PLCH2: variants seen among roughly 807,000 people sequenced by gnomAD.
PLCH2 encodes the protein phospholipase C eta 2.
A neutral mutation model predicts 134.7 loss-of-function variants in PLCH2; 98 were observed. The ratio of observed to expected loss-of-function variants is 0.73; its 90% CI spans 0.62 to 0.86. The LOEUF (loss-of-function observed/expected upper bound fraction) is 0.86, where lower values mean the gene tolerates loss of function less well. PLCH2 is among the 40% of genes least tolerant of loss of function. The pLI, the probability that PLCH2 is intolerant of heterozygous loss-of-function variation, is 0.00. For missense variants in PLCH2, 1,994 were observed against 1,986.6 expected (o/e 1.00, Z -0.07); for synonymous variants, 974 against 827.5 (o/e 1.18, Z -3.04).
chr1:2,424,830 A>AC (rs1323513461), upstream of PLCH2, among the ~76,000 whole-genome samples: 40 of 152,138 alleles, frequency 2.6e-4, no homozygotes, highest in East Asian at 2.7e-3. Context: ...TACTAAAAAT[A>AC]AAAAAATTAG....
At chr1:2,429,673 T>C (rs952331428) in intron 1 of PLCH2, among the ~76,000 whole-genome samples, 5 of 152,154 alleles carry the variant, frequency 3.3e-5, no homozygotes, top group African/African-American at 9.7e-5. Flanking sequence ...GGGGCCTTGA[T>C]TCACTGCATG....
At chr1:2,481,538 G>GGGA (rs1425822020) in intron 4 of PLCH2, among the ~76,000 whole-genome samples, 1 of 152,258 alleles carries the variant, frequency 6.6e-6, no homozygotes, top group Non-Finnish European at 1.5e-5. Context: ...GCCTCTGAGT[G>GGGA]GGAGGAGACA....
At chr1:2,432,640 G>C (rs956116621) in intron 2 of PLCH2, among the ~76,000 whole-genome samples, 6 of 152,180 alleles carry the variant, frequency 3.9e-5, no homozygotes. Context: ...TGCTGGGCAT[G>C]ATGAGGGTCT....
At chr1:2,462,879 C>T (rs116491828), upstream of PLCH2, among the ~76,000 whole-genome samples, 2,392 of 152,314 alleles carry the variant, frequency 0.016, 60 homozygotes, top group African/African-American at 0.054. Flanking sequence ...GGGGGTGGAT[C>T]TGGCCCTTCG....
In PLCH2 at chr1:2,503,951, C is replaced by A; in HGVS notation, c.2989C>A (p.Leu997Ile). ...DTRPLSTQRP[L>I]PPLCSLETIA... ...CCGCCCCCTCTCCACGCAGCGGCCA[C>A]TCCCCCCACTGTGCAGCCTGGAAAC... Residue 997 changes from leucine to isoleucine, a missense_variant, in exon 22 of 22, where the codon CTC becomes ATC. Transcript: ENST00000378486. 2.1e-6 allele frequency: 3 copies of A among 1,416,888 alleles called. No individual in the cohort carries two copies. The highest frequency in any genetic ancestry group is 2.0e-5 in the Admixed American group (1 of 49,930). The allele number at this position is 1,416,888 out of a possible 1,614,324, so 87.8% of individuals were successfully genotyped here.
chr1:2,489,158 T>A (rs543277328), intron 8 of PLCH2, 49 bp from the exon 9 acceptor site: 2 of 1,542,972 alleles, frequency 1.3e-6, no homozygotes, highest in Non-Finnish European at 1.8e-6. Flanking sequence ...GGCTTACCCA[T>A]CCTCTGAGGC....
rs373530024 is a variant in PLCH2 at position 2,496,614 on chromosome 1, C to T, written c.1843C>T (p.Arg615Trp). ...SPGGQSRGAT[R>W]QKKTMKLSRA... ...CCCCTGCACCTGCCACAGGGCGACC[C>T]GGCAGAAGAAGACCATGAAGCTGTC... The change falls in exon 14 of 22, where the codon CGG becomes TGG. Residue 615 changes from arginine (R) to tryptophan (W), a missense_variant. This residue lies in a region of PLCH2 where 1,094 missense variants were observed against 1,234.3 expected (regional missense o/e 0.89). Coordinates refer to ENST00000378486, the MANE Select transcript of PLCH2 (RefSeq NM_014638.4). 5.5e-5 allele frequency: 88 copies of T among 1,610,670 alleles called. No individual in the cohort carries two copies. The highest frequency in any genetic ancestry group is 2.5e-4 in the Admixed American group (15 of 59,772).
chr1:2,429,945 C>A (rs966794262), intron 1 of PLCH2, among the ~76,000 whole-genome samples: 1 of 152,288 alleles, frequency 6.6e-6, no homozygotes, highest in East Asian at 1.9e-4. Flanking sequence ...TGGCTGGTTT[C>A]TGTAAAGCGA....
chr1:2,452,624 A>G (rs1445699419), intron 2 of PLCH2, among the ~76,000 whole-genome samples: 2 of 152,152 alleles, frequency 1.3e-5, no homozygotes, highest in Non-Finnish European at 2.9e-5. Context: ...TGCCCCAGAG[A>G]GCAGCAGATG....
upstream of PLCH2, among the ~76,000 whole-genome samples, chr1:2,475,858 G>A (rs867324367): frequency 1.3e-5 from 2 of 152,190 alleles, no homozygotes; most frequent in African/African-American, 4.8e-5. Flanking sequence ...CAGCCACAGG[G>A]GCTGGGCGCT....
chr1:2,483,221 T>C (rs2100664700), intron 4 of PLCH2, among the ~76,000 whole-genome samples: 1 of 152,248 alleles, frequency 6.6e-6, no homozygotes, highest in East Asian at 1.9e-4. Flanking sequence ...ACCTGCTGGC[T>C]GGGTGTCGGT....
At chr1:2,497,705 A>AG in intron 16 of PLCH2, 96 bp downstream of exon 16, 1 of 695,262 alleles carries the variant, frequency 1.4e-6, no homozygotes, top group Non-Finnish European at 2.3e-6. Context: ...CAGGCTAGCA[A>AG]GGGGGTGGGG....
chr1:2,484,152 C>T (rs974324118), intron 4 of PLCH2, among the ~76,000 whole-genome samples: 2 of 152,054 alleles, frequency 1.3e-5, no homozygotes, highest in South Asian at 2.1e-4. Context: ...TGTTGGCTTC[C>T]GTGTGGGTAG....
chr1:2,498,651 G>GGGGCCGTGC lies in PLCH2; in HGVS notation c.2349+9_2349+10insGTGCGGGCC, dbSNP rs756105734. 9 of 1,564,294 alleles carry GGGGCCGTGC rather than the reference G, an allele frequency of 5.8e-6. No homozygotes were observed. In the East Asian group the frequency reaches 2.1e-4, roughly 37 times the overall value. ...CATGCTGGGGGACCGTGGGGAGGTG[G>GGGGCCGTGC]GGGCCAGCCCCACACAGGCGGGAGG... On this transcript the variant is annotated splice_donor_region_variant and intron_variant, in intron 17 of 21. Coordinates refer to ENST00000378486, the MANE Select transcript of PLCH2 (RefSeq NM_014638.4). This position sits in a 1 kb window ranked among gnomAD's most constrained non-coding sequence, Gnocchi z 5.4.
At chr1:2,493,329 T>C (rs1258905652) in intron 11 of PLCH2, 1 of 152,248 alleles carries the variant, frequency 6.6e-6, no homozygotes, top group African/African-American at 2.4e-5. Flanking sequence ...CTGTGAAGTG[T>C]GGTGGCCCCG....
intron 2 of PLCH2, among the ~76,000 whole-genome samples, chr1:2,443,081 A>C (rs1639762545): frequency 6.6e-6 from 1 of 152,170 alleles, no homozygotes; most frequent in South Asian, 2.1e-4. Context: ...GGACCTGCCC[A>C]GGGGAATGGT....
chr1:2,455,791 C>T (rs557319476), intron 2 of PLCH2, among the ~76,000 whole-genome samples: 25 of 152,252 alleles, frequency 1.6e-4, no homozygotes, highest in Admixed American at 8.5e-4. Context: ...GGGAGCCCCT[C>T]GGGCCCTCCA....
upstream of PLCH2, among the ~76,000 whole-genome samples, chr1:2,467,149 T>A (rs951608166): frequency 1.4e-5 from 2 of 146,650 alleles, no homozygotes; most frequent in African/African-American, 5.0e-5. Context: ...GTCCTGGGGG[T>A]GCAGCCACCC....
chr1:2,494,060 C>A (rs189682775), intron 11 of PLCH2, among the ~76,000 whole-genome samples: 2 of 152,158 alleles, frequency 1.3e-5, no homozygotes, highest in Non-Finnish European at 2.9e-5. Context: ...TGCAGGCCCA[C>A]GGCTTTGCTG....
Sources: gnomAD v4.1 joint callset for allele counts (sites outside exome capture counted in the v4.1 genomes callset) on GRCh38, gnomAD v4.1.1 for gene constraint, gnomAD v4.1.1 regional missense constraint, Gnocchi (gnomAD v3.1) non-coding constraint, MANE v1.5 for transcripts, NCBI Gene and HGNC (gene_info 2026-07-23, HGNC 2026-07-21) for gene names.